HSF5: variants seen among roughly 807,000 people sequenced by gnomAD.
HSF5 encodes the protein heat shock factor protein 5.
In HSF5, 5 loss-of-function variants were observed where a neutral mutation model predicts 50.8. That is an observed-to-expected ratio of 0.10 (90% confidence interval 0.05 to 0.21). The LOEUF is 0.21. Ranked by LOEUF, HSF5 falls within the 10% of genes least tolerant of loss-of-function variation. The pLI, the probability that HSF5 is intolerant of heterozygous loss-of-function variation, is 1.00. For missense variants in HSF5, 564 were observed against 762.6 expected (o/e 0.74, Z 3.07); for synonymous variants, 307 against 307.4 (o/e 1.00, Z 0.02).
At chr17:58,452,821 G>T (rs1226859700) in intron 5 of HSF5, among the ~76,000 whole-genome samples, 3 of 152,196 alleles carry the variant, frequency 2.0e-5, no homozygotes, top group Admixed American at 6.5e-5. Context: ...CCCCAAGTTT[G>T]CATGTTCAAC....
rs572126465 is a variant in HSF5 at position 58,477,986 on chromosome 17, T to C, written c.925+1907A>G. On this transcript the variant is annotated intron_variant, in intron 2 of 5. Transcript: ENST00000323777. ...AGGAATGCCCCCTTTCTTCTCTTTC[T>C]GGTCTTTTCTGGAATGCCCCCTTTC... Among the ~76,000 whole-genome samples the C allele has an allele frequency of 4.4e-4, 67 of 152,166 alleles. No homozygotes were observed. The East Asian group carries it at 0.013, about 29-fold the overall frequency.
At chr17:58,484,661 C>T (rs927367451) in intron 1 of HSF5, among the ~76,000 whole-genome samples, 4 of 152,130 alleles carry the variant, frequency 2.6e-5, no homozygotes, top group Admixed American at 2.6e-4. Flanking sequence ...TGCCTTGCCC[C>T]CTATCATTCC....
At chr17:58,456,088 C>T (rs1176330868) in intron 5 of HSF5, among the ~76,000 whole-genome samples, 1 of 151,500 alleles carries the variant, frequency 6.6e-6, no homozygotes, top group East Asian at 1.9e-4. Flanking sequence ...CCTAAATACG[C>T]ATCTACAGAT....
At chr17:58,435,070 C>T (rs1312453249) in intron 5 of HSF5, among the ~76,000 whole-genome samples, 1 of 152,210 alleles carries the variant, frequency 6.6e-6, no homozygotes, top group African/African-American at 2.4e-5. Flanking sequence ...AAGCTTCATT[C>T]TAGCTGCTTC....
intron 5 of HSF5, among the ~76,000 whole-genome samples, chr17:58,431,412 A>C (rs77270600): frequency 0.016 from 2,459 of 152,312 alleles, 36 homozygotes; most frequent in South Asian, 0.042. Flanking sequence ...GGTACCATAA[A>C]ACTACAGTGT....
At position 58,488,309 on chromosome 17, in the gene HSF5, TA is replaced by T. The variant is rs770377026; in HGVS notation, c.-36del. The T allele has an allele frequency of 1.4e-5, 20 of 1,442,464 alleles. No individual in the cohort carries two copies. Among genetic ancestry groups the T allele is most frequent in the Non-Finnish European group, 1.8e-5 (20 of 1,109,616 alleles). The allele number at this position is 1,442,464 out of a possible 1,614,324, so 89.4% of individuals were successfully genotyped here. On this transcript the variant is annotated 5_prime_UTR_variant, in exon 1 of 6. It removes the in-frame stop codon of an upstream open reading frame in the 5' UTR. Transcript: ENST00000323777. This position sits in a 1 kb window ranked among gnomAD's most constrained non-coding sequence, Gnocchi z 4.1. ...GGGCCGGGGCCTCGCCCCCCGAGCC[TA>T]GCTCTCCCACACCGTTCTCGATCCC...
At chr17:58,468,356 C>T (rs914673624) in intron 2 of HSF5, among the ~76,000 whole-genome samples, 1 of 152,162 alleles carries the variant, frequency 6.6e-6, no homozygotes, top group African/African-American at 2.4e-5. Flanking sequence ...CATGATTGTG[C>T]CACTGCACTC....
At chr17:58,424,815 G>A (rs1335305012) in intron 5 of HSF5, among the ~76,000 whole-genome samples, 1 of 151,854 alleles carries the variant, frequency 6.6e-6, no homozygotes, top group Non-Finnish European at 1.5e-5. Flanking sequence ...ACAAAATGGA[G>A]GAAATTCTGG....
chr17:58,477,826 A>T (rs1226299548), intron 2 of HSF5, among the ~76,000 whole-genome samples: 1 of 151,830 alleles, frequency 6.6e-6, no homozygotes, highest in Non-Finnish European at 1.5e-5. Context: ...TTTAATATTT[A>T]AAATAAAAAA....
intron 1 of HSF5, among the ~76,000 whole-genome samples, chr17:58,485,023 C>T (rs1336587552): frequency 1.5e-5 from 2 of 137,570 alleles, no homozygotes; most frequent in Non-Finnish European, 3.0e-5. Flanking sequence ...GGTGTGATCT[C>T]GGCTCACTGC....
At chr17:58,478,280 A>T (rs985479450) in intron 2 of HSF5, among the ~76,000 whole-genome samples, 4 of 132,800 alleles carry the variant, frequency 3.0e-5, no homozygotes, top group African/African-American at 1.1e-4. Flanking sequence ...AAAATAAATA[A>T]ATATATATAT....
intron 2 of HSF5, among the ~76,000 whole-genome samples, chr17:58,479,547 CCCG>C (rs770384709): frequency 1.3e-5 from 2 of 152,122 alleles, no homozygotes; most frequent in Non-Finnish European, 2.9e-5. Context: ...AAATGATGCA[CCCG>C]CCTCAGCCTC....
intron 2 of HSF5, among the ~76,000 whole-genome samples, chr17:58,477,116 CTTTTTTTTTTT>C (rs34246837): frequency 7.5e-6 from 1 of 133,764 alleles, no homozygotes; most frequent in African/African-American, 3.0e-5. Context: ...TATATATATA[CTTTTTTTTTTT>C]TTTTTTTTTT....
intron 3 of HSF5, among the ~76,000 whole-genome samples, chr17:58,464,044 T>C (rs2143784096): frequency 6.6e-6 from 1 of 152,176 alleles, no homozygotes; most frequent in Middle Eastern, 3.4e-3. Context: ...AGAGTAGGCA[T>C]TCAATAAATG....
rs1975034620 is a variant in HSF5 at position 58,477,607 on chromosome 17, C to T, written c.925+2286G>A. Among the ~76,000 whole-genome samples the T allele has an allele frequency of 2.6e-5, 4 of 151,858 alleles. No homozygotes were observed. The South Asian group carries it at 8.3e-4, about 32-fold the overall frequency. ...CCCCAGTAGCTGGGACTACAGGTGC[C>T]CGTCACCACACCCAGCTAATTTTTT... On this transcript the variant is annotated intron_variant, in intron 2 of 5. Coordinates refer to ENST00000323777, the MANE Select transcript of HSF5 (RefSeq NM_001080439.3).
intron 5 of HSF5, among the ~76,000 whole-genome samples, chr17:58,432,461 C>A (rs919696315): frequency 2.0e-5 from 3 of 152,264 alleles, no homozygotes; most frequent in African/African-American, 4.8e-5. Flanking sequence ...AATGAAGGAA[C>A]ACACCATGTG....
chr17:58,446,741 C>T (rs1974567012), intron 5 of HSF5, among the ~76,000 whole-genome samples: 1 of 152,144 alleles, frequency 6.6e-6, no homozygotes, highest in Admixed American at 6.5e-5. Context: ...GGGGTGCGAC[C>T]CAACACAATA....
At chr17:58,454,588 A>G (rs1974684454) in intron 5 of HSF5, among the ~76,000 whole-genome samples, 1 of 152,228 alleles carries the variant, frequency 6.6e-6, no homozygotes, top group Admixed American at 6.5e-5. Context: ...AGAAAACCCT[A>G]AAGATTCCAC....
chr17:58,431,234 T>C (rs1974361081), intron 5 of HSF5, among the ~76,000 whole-genome samples: 1 of 152,198 alleles, frequency 6.6e-6, no homozygotes, highest in South Asian at 2.1e-4. Context: ...TTGCCCAGTC[T>C]CGGGTATGTC....
Sources: allele counts gnomAD v4.1 joint callset (sites outside exome capture counted in the v4.1 genomes callset), GRCh38; gene constraint gnomAD v4.1.1; non-coding constraint Gnocchi (gnomAD v3.1); transcripts MANE v1.5; gene names NCBI Gene and HGNC (gene_info 2026-07-23, HGNC 2026-07-21).